The following UBXN2B variants were observed in gnomAD, a reference collection of about 807,000 sequenced individuals.
UBXN2B encodes UBX domain protein 2B.
Under a neutral mutation model 37.5 loss-of-function variants are expected in UBXN2B, and 19 were observed. The observed-to-expected ratio is 0.51, with a 90% CI of 0.35 to 0.74. UBXN2B has a LOEUF of 0.74. Ranked by LOEUF, UBXN2B falls within the 30% of genes least tolerant of loss-of-function variation. The pLI is 0.01. For missense variants in UBXN2B, 370 were observed against 393.2 expected, an observed-to-expected ratio of 0.94 and a Z score of 0.50; for synonymous variants, 145 against 143.8, an observed-to-expected ratio of 1.01 and a Z score of -0.06.
At chr8:58,414,359 G>C (rs1376691120) in intron 1 of UBXN2B, among the ~76,000 whole-genome samples, 3 of 152,136 alleles carry the variant, frequency 2.0e-5, no homozygotes, top group Non-Finnish European at 4.4e-5. Flanking sequence ...ACAGCGTCTA[G>C]AATTGGTTAC....
chr8:58,424,838 G>A (rs555283794), intron 2 of UBXN2B: 29 of 1,421,800 alleles, frequency 2.0e-5, no homozygotes, highest in East Asian at 1.8e-4. Flanking sequence ...TAGATAAATC[G>A]GTACTGTGTT....
Position 58,446,081 on chromosome 8 carries a change from A to T in UBXN2B, c.833+13A>T. ...ATAGTACACACAGGTAAGCTTCTTT[A>T]CCAACAGTGTCCTGTTTGCTGTTAT... On this transcript the variant is annotated intron_variant, in intron 7 of 7. Transcript: ENST00000399598. The T allele has an allele frequency of 6.2e-7, 1 of 1,600,230 alleles. No individual in the cohort carries two copies.
chr8:58,434,514 ATT>A lies in UBXN2B; in HGVS notation c.533+11_533+12del. 6.6e-7 allele frequency: 1 copy of A among 1,508,150 alleles called. No individual in the cohort carries two copies. Among genetic ancestry groups the A allele is most frequent in the South Asian group, 1.3e-5 (1 of 76,398 alleles). The allele number at this position is 1,508,150 out of a possible 1,614,324, so 93.4% of individuals were successfully genotyped here. ...AGTCTGTTAAGAGAGGGTAAGATGTATTATTTGTATTCTATTTGTTATGTAGA... is the reference window on the plus strand; with the variant it reads ...AGTCTGTTAAGAGAGGGTAAGATGTAATTTGTATTCTATTTGTTATGTAGA... On this transcript the variant is annotated intron_variant, in intron 5 of 7. Coordinates refer to ENST00000399598, the MANE Select transcript of UBXN2B (RefSeq NM_001077619.2).
At chr8:58,444,836 A>G (rs1808633486) in intron 6 of UBXN2B, among the ~76,000 whole-genome samples, 1 of 152,198 alleles carries the variant, frequency 6.6e-6, no homozygotes, top group African/African-American at 2.4e-5. Flanking sequence ...AAAGAAAGAG[A>G]AAGTGTCAGC....
rs139865369 is a variant in UBXN2B, at chr8:58,411,572, T to G, written c.84+103T>G. ...CCACCTCTGGCCTCGGCGGAGCCTT[T>G]CCCCGACCCCGTCTGGGGATAGAAT... On this transcript the variant is annotated intron_variant, in intron 1 of 7. Coordinates refer to ENST00000399598, the MANE Select transcript of UBXN2B (RefSeq NM_001077619.2). The G allele has an allele frequency of 6.8e-3, 6,574 of 968,186 alleles. 43 individuals carry two copies. Among genetic ancestry groups the G allele is most frequent in the Non-Finnish European group, 7.7e-3 (5,760 of 746,414 alleles). 60.0% of individuals were successfully genotyped at this position (968,186 alleles called of 1,614,324 possible).
chr8:58,446,790 T>TTTTTTTTTA, intron 7 of UBXN2B, among the ~76,000 whole-genome samples: 1 of 77,994 alleles, frequency 1.3e-5, no homozygotes, highest in African/African-American at 4.5e-5. Flanking sequence ...TTTTTTTTTT[T>TTTTTTTTTA]TTTTTTTTTT....
intron 3 of UBXN2B, among the ~76,000 whole-genome samples, chr8:58,431,678 C>T (rs1808280222): frequency 6.6e-6 from 1 of 152,130 alleles, no homozygotes; most frequent in African/African-American, 2.4e-5. Context: ...TTTATATTCC[C>T]ACATATATGA....
At chr8:58,421,341 A>T (rs947141091) in intron 2 of UBXN2B, among the ~76,000 whole-genome samples, 33 of 150,500 alleles carry the variant, frequency 2.2e-4, no homozygotes, top group Non-Finnish European at 5.9e-5. Flanking sequence ...AGCACCTTTT[A>T]GTTTTTTTTT....
rs766198632 is a variant in UBXN2B at position 58,433,161 on chromosome 8, C to T, written c.341C>T (p.Ser114Leu). The T allele has an allele frequency of 8.1e-6, 13 of 1,608,932 alleles. No homozygotes were observed. In the South Asian group the frequency reaches 1.2e-4, roughly 15 times the overall value. The change falls in exon 4 of 8, where the codon TCA becomes TTA. Residue 114 changes from serine (S) to leucine (L), a missense_variant and splice_region_variant. By Grantham distance (145) the Ser-to-Leu change is moderately radical. This residue lies in a region of UBXN2B where 197 missense variants were observed against 170.2 expected (regional missense o/e 1.16). Transcript: ENST00000399598. Reference sequence around the variant, plus strand: ...TAACTCACTTGCTATGTATTTTAGTCATTTACAGGTGGAGGATACAGATTG... The same window carrying T: ...TAACTCACTTGCTATGTATTTTAGTTATTTACAGGTGGAGGATACAGATTG... ...TRASGDDKSK[S>L]FTGGGYRLGS...
chr8:58,433,765 G>A (rs1288994947), intron 4 of UBXN2B, among the ~76,000 whole-genome samples: 1 of 151,392 alleles, frequency 6.6e-6, no homozygotes, highest in Non-Finnish European at 1.5e-5. Flanking sequence ...GTAAGACCCT[G>A]GATCTTTAAG....
chr8:58,415,979 T>C (rs1462768260), intron 1 of UBXN2B, among the ~76,000 whole-genome samples: 1 of 152,024 alleles, frequency 6.6e-6, no homozygotes. Flanking sequence ...TCATATCATT[T>C]GTGTGTCTAA....
chr8:58,424,425 T>C (rs1253523724), intron 2 of UBXN2B, among the ~76,000 whole-genome samples: 2 of 152,190 alleles, frequency 1.3e-5, no homozygotes, highest in African/African-American at 4.8e-5. Context: ...ACAGTGATCT[T>C]TAAATGGTTT....
chr8:58,412,878 G>A (rs1807676203), intron 1 of UBXN2B, among the ~76,000 whole-genome samples: 1 of 152,194 alleles, frequency 6.6e-6, no homozygotes. Context: ...TTGTTGCTGG[G>A]CAAATATTTG....
intron 6 of UBXN2B, among the ~76,000 whole-genome samples, chr8:58,444,582 G>A (rs925551071): frequency 3.0e-4 from 46 of 152,340 alleles, no homozygotes; most frequent in African/African-American, 1.1e-3. Flanking sequence ...CGGAGGTAAA[G>A]AGGACCTTTG....
chr8:58,438,363 C>T (rs1318063178), intron 5 of UBXN2B, among the ~76,000 whole-genome samples: 2 of 152,200 alleles, frequency 1.3e-5, no homozygotes, highest in Non-Finnish European at 2.9e-5. Flanking sequence ...GGTGGCGCCA[C>T]CAGCAACCTG....
At chr8:58,414,827 C>G (rs1192177778) in intron 1 of UBXN2B, among the ~76,000 whole-genome samples, 2 of 152,120 alleles carry the variant, frequency 1.3e-5, no homozygotes, top group Non-Finnish European at 2.9e-5. Context: ...TCATATTCCT[C>G]TTTTCTTAAT....
intron 1 of UBXN2B, among the ~76,000 whole-genome samples, chr8:58,414,226 C>A (rs1807713853): frequency 6.6e-6 from 1 of 152,132 alleles, no homozygotes; most frequent in Non-Finnish European, 1.5e-5. Flanking sequence ...GCATCTGTGA[C>A]CTGGAAGGCT....
intron 1 of UBXN2B, among the ~76,000 whole-genome samples, chr8:58,413,689 A>G (rs1158886218): frequency 1.3e-5 from 2 of 152,058 alleles, no homozygotes; most frequent in Admixed American, 1.3e-4. Context: ...GTACCACCAG[A>G]GAAAAGCTGC....
At chr8:58,438,797 A>G (rs1808478996) in intron 5 of UBXN2B, among the ~76,000 whole-genome samples, 1 of 152,106 alleles carries the variant, frequency 6.6e-6, no homozygotes, top group Admixed American at 6.5e-5. Flanking sequence ...TGTGAGAAGG[A>G]CATGAGATTT....
Sources: gnomAD v4.1 joint callset for allele counts (sites outside exome capture counted in the v4.1 genomes callset) on GRCh38, gnomAD v4.1.1 for gene constraint, gnomAD v4.1.1 regional missense constraint, MANE v1.5 for transcripts, NCBI Gene and HGNC (gene_info 2026-07-23, HGNC 2026-07-21) for gene names.